The following ZNF280D variants were observed in gnomAD, a reference collection of about 807,000 sequenced individuals.
The protein encoded by ZNF280D is suppressor of hairy wing homolog 4.
A neutral mutation model predicts 94.7 loss-of-function variants in ZNF280D; 39 were observed. That is an observed-to-expected ratio of 0.41 (90% confidence interval 0.32 to 0.54). The LOEUF is 0.54. Ranked by LOEUF, ZNF280D falls within the 20% of genes least tolerant of loss-of-function variation. The pLI, the probability that ZNF280D is intolerant of heterozygous loss-of-function variation, is 0.22. For missense variants in ZNF280D, 1,090 were observed against 1,149.3 expected (o/e 0.95, Z 0.75); for synonymous variants, 398 against 377.6 (o/e 1.05, Z -0.63).
intron 6 of ZNF280D, chr15:56,698,967 T>C (rs2056904421): frequency 1.3e-5 from 2 of 152,176 alleles, no homozygotes. Context: ...GTGAGATCCT[T>C]AAGCAGAAAA....
At chr15:56,682,531 C>G in intron 9 of ZNF280D, 54 bp from the exon 10 acceptor site, 1 of 1,156,476 alleles carries the variant, frequency 8.6e-7, no homozygotes, top group Non-Finnish European at 1.2e-6. Context: ...TTTAAAAAAA[C>G]CACATACCAA....
intron 1 of ZNF280D, among the ~76,000 whole-genome samples, chr15:56,725,640 A>G (rs1489565291): frequency 6.6e-6 from 1 of 152,144 alleles, no homozygotes; most frequent in East Asian, 1.9e-4. Flanking sequence ...AATCCTTCAA[A>G]GAGTCTCAAG....
At chr15:56,707,636 G>A (rs1042886760) in intron 1 of ZNF280D, among the ~76,000 whole-genome samples, 1 of 151,976 alleles carries the variant, frequency 6.6e-6, no homozygotes, top group Non-Finnish European at 1.5e-5. Flanking sequence ...AATCTTTAAC[G>A]TTATCTTTTC....
intron 6 of ZNF280D, among the ~76,000 whole-genome samples, chr15:56,696,475 T>C (rs1450476679): frequency 3.9e-5 from 6 of 152,190 alleles, no homozygotes; most frequent in Non-Finnish European, 8.8e-5. Flanking sequence ...TTGTTGCTGA[T>C]GGAGCTGGAA....
chr15:56,690,341 C>T (rs1596514466), intron 7 of ZNF280D, among the ~76,000 whole-genome samples: 1 of 152,176 alleles, frequency 6.6e-6, no homozygotes, highest in East Asian at 1.9e-4. Flanking sequence ...GAGATCGCGC[C>T]ACTGCACTCC....
chr15:56,695,678 C>T lies in ZNF280D; in HGVS notation c.382-2463G>A, dbSNP rs147143729. Among the ~76,000 whole-genome samples the T allele has an allele frequency of 2.7e-3, 413 of 151,980 alleles. 2 individuals are homozygous for T. The highest frequency in any genetic ancestry group is 6.8e-3 in the Middle Eastern group (2 of 294). On this transcript the variant is annotated intron_variant, in intron 6 of 21. Transcript: ENST00000267807. ...CCGAGTAGCCGGGACTACAGGTGCA[C>T]ACCACCATGCCCAGCTAATTTTCGT...
intron 1 of ZNF280D, among the ~76,000 whole-genome samples, chr15:56,724,340 C>A (rs1308221699): frequency 1.3e-5 from 2 of 152,176 alleles, no homozygotes; most frequent in African/African-American, 4.8e-5. Context: ...AACTTTCCAA[C>A]CTAAGCAGAG....
At chr15:56,644,547 T>C (rs2052786695) in intron 19 of ZNF280D, among the ~76,000 whole-genome samples, 1 of 152,128 alleles carries the variant, frequency 6.6e-6, no homozygotes, top group Non-Finnish European at 1.5e-5. Context: ...AACAAATTGG[T>C]CACAGAACAA....
chr15:56,718,101 T>A (rs1326586668), intron 1 of ZNF280D, among the ~76,000 whole-genome samples: 1 of 152,102 alleles, frequency 6.6e-6, no homozygotes, highest in Non-Finnish European at 1.5e-5. Flanking sequence ...TACGGAAGAT[T>A]TTTCATTATT....
chr15:56,733,447 G>C lies in ZNF280D; in HGVS notation c.-86+11C>G. On this transcript the variant is annotated intron_variant, in intron 1 of 21. Transcript: ENST00000267807. ...GCAGCGCAGGGCGGGCGGGGGCGGGGGGGCGCTTACCGTGAGCGGAGCGGA... is the reference window on the plus strand; with the variant it reads ...GCAGCGCAGGGCGGGCGGGGGCGGGCGGGCGCTTACCGTGAGCGGAGCGGA... 1 of 1,063,808 alleles carries C rather than the reference G, an allele frequency of 9.4e-7. No homozygotes were observed. Among genetic ancestry groups the C allele is most frequent in the Non-Finnish European group, 1.1e-6 (1 of 875,478 alleles). 65.9% of individuals were successfully genotyped at this position (1,063,808 alleles called of 1,614,324 possible). A position where few individuals can be genotyped will look rare whatever the true frequency, so the allele number is the denominator to read the frequency against.
chr15:56,668,484 TG>T (rs1171054936), intron 14 of ZNF280D, among the ~76,000 whole-genome samples: 1 of 152,084 alleles, frequency 6.6e-6, no homozygotes, highest in Non-Finnish European at 1.5e-5. Context: ...ACATGATTCC[TG>T]ATCTCAAGCA....
At chr15:56,680,141 A>G (rs1458220012) in intron 10 of ZNF280D, among the ~76,000 whole-genome samples, 2 of 152,236 alleles carry the variant, frequency 1.3e-5, no homozygotes, top group African/African-American at 4.8e-5. Flanking sequence ...AACTATTTTT[A>G]GTGACACTCA....
intron 13 of ZNF280D, among the ~76,000 whole-genome samples, chr15:56,669,866 ATATAT>A: frequency 1.1e-4 from 1 of 9,202 alleles, no homozygotes; most frequent in Non-Finnish European, 2.4e-4. Context: ...TTATATATAT[ATATAT>A]TTTATATATA....
intron 1 of ZNF280D, among the ~76,000 whole-genome samples, chr15:56,720,074 A>G (rs1178078135): frequency 6.6e-6 from 1 of 152,052 alleles, no homozygotes; most frequent in Non-Finnish European, 1.5e-5. Context: ...ACATCCATCG[A>G]CTTTTCCTTT....
At chr15:56,649,929 T>C (rs1327057355) in intron 19 of ZNF280D, among the ~76,000 whole-genome samples, 5 of 152,136 alleles carry the variant, frequency 3.3e-5, no homozygotes, top group East Asian at 1.9e-4. Flanking sequence ...GGTTTGAGAA[T>C]AGCAGAATAA....
chr15:56,712,237 A>T (rs1422592736), intron 1 of ZNF280D, among the ~76,000 whole-genome samples: 1 of 152,204 alleles, frequency 6.6e-6, no homozygotes, highest in Non-Finnish European at 1.5e-5. Context: ...AACATAACAC[A>T]CTGTTAAATT....
chr15:56,721,152 G>A (rs576441483), intron 1 of ZNF280D, among the ~76,000 whole-genome samples: 5 of 151,748 alleles, frequency 3.3e-5, no homozygotes, highest in African/African-American at 1.2e-4. Context: ...TAGTAGAGAC[G>A]GGGGTTTCAC....
chr15:56,703,159 C>A lies in ZNF280D; in HGVS notation c.175+962G>T, dbSNP rs546042985. ...ACGTTAATATTATAACAATGTCAAG[C>A]CCAATTCTCTAATTCAAAGCTAATA... is the stretch of plus-strand genomic sequence containing the variant. On this transcript the variant is annotated intron_variant, in intron 4 of 21. Coordinates refer to ENST00000267807, the MANE Select transcript of ZNF280D (RefSeq NM_017661.4). Among the ~76,000 whole-genome samples the A allele has an allele frequency of 1.6e-4, 24 of 152,200 alleles. No homozygotes were observed. The South Asian group carries it at 5.0e-3, about 32-fold the overall frequency.
chr15:56,650,517 A>G (rs1375503210), intron 19 of ZNF280D, among the ~76,000 whole-genome samples: 1 of 152,186 alleles, frequency 6.6e-6, no homozygotes, highest in Non-Finnish European at 1.5e-5. Flanking sequence ...TGCTTAGAAC[A>G]AACATGGATG....
Sources: gnomAD v4.1 joint callset for allele counts (sites outside exome capture counted in the v4.1 genomes callset) on GRCh38, gnomAD v4.1.1 for gene constraint, MANE v1.5 for transcripts, NCBI Gene and HGNC (gene_info 2026-07-23, HGNC 2026-07-21) for gene names.